The following CTNNA3 variants were observed in gnomAD, a reference collection of about 807,000 sequenced individuals.
The protein encoded by CTNNA3 is catenin alpha 3, also known as catenin alpha-3.
Under a neutral mutation model 95.7 loss-of-function variants are expected in CTNNA3, and 76 were observed. That is an observed-to-expected ratio of 0.79 (90% CI 0.66 to 0.96). The LOEUF is 0.96. CTNNA3 is among the 40% of genes least tolerant of loss of function. The probability of loss-of-function intolerance (pLI) is 0.00; values close to 1 mark genes in which losing one functional copy is unlikely to be tolerated. For missense variants in CTNNA3, 1,191 were observed against 1,089.8 expected, an observed-to-expected ratio of 1.09 and a Z score of -1.31; for synonymous variants, 431 against 374.4, an observed-to-expected ratio of 1.15 and a Z score of -1.74.
chr10:66,447,584 C>G (rs569192946), intron 11 of CTNNA3, among the ~76,000 whole-genome samples: 1 of 152,214 alleles, frequency 6.6e-6, no homozygotes, highest in South Asian at 2.1e-4. Flanking sequence ...AAAGCATTCC[C>G]TATTTAATAA....
At chr10:67,228,568 G>A (rs955780610) in intron 5 of CTNNA3, among the ~76,000 whole-genome samples, 8 of 151,892 alleles carry the variant, frequency 5.3e-5, no homozygotes, top group Non-Finnish European at 1.2e-4. Flanking sequence ...GGCTGAGATC[G>A]TGCCACTGCA....
chr10:66,556,953 A>G (rs1842409981), intron 10 of CTNNA3, among the ~76,000 whole-genome samples: 1 of 152,116 alleles, frequency 6.6e-6, no homozygotes, highest in African/African-American at 2.4e-5. Context: ...TTCATTATGT[A>G]TATCAAAATA....
intron 7 of CTNNA3, among the ~76,000 whole-genome samples, chr10:67,026,227 G>T (rs1056018168): frequency 6.6e-6 from 1 of 151,416 alleles, no homozygotes; most frequent in Non-Finnish European, 1.5e-5. Flanking sequence ...CTTGCACATT[G>T]TGCACATGTA....
chr10:66,449,223 A>G (rs963704482), intron 11 of CTNNA3, among the ~76,000 whole-genome samples: 1 of 152,126 alleles, frequency 6.6e-6, no homozygotes, highest in African/African-American at 2.4e-5. Context: ...GGGGACATTC[A>G]TCTACATTGA....
At chr10:67,416,624 A>G (rs888151105) in intron 5 of CTNNA3, among the ~76,000 whole-genome samples, 1 of 150,596 alleles carries the variant, frequency 6.6e-6, no homozygotes, top group Non-Finnish European at 1.5e-5. Flanking sequence ...AAAAAAAAAA[A>G]AAAAAAACAA....
chr10:66,414,699 C>T (rs1485221822), intron 11 of CTNNA3, among the ~76,000 whole-genome samples: 1 of 152,106 alleles, frequency 6.6e-6, no homozygotes, highest in African/African-American at 2.4e-5. Flanking sequence ...AATGCTGAGG[C>T]TAATGTGCAA....
chr10:67,195,028 G>T (rs1345786916), intron 6 of CTNNA3, among the ~76,000 whole-genome samples: 2 of 151,794 alleles, frequency 1.3e-5, no homozygotes, highest in African/African-American at 4.8e-5. Context: ...TCTTAGGATG[G>T]GAAGAATCAA....
chr10:66,121,933 G>A (rs2082602779), intron 13 of CTNNA3, among the ~76,000 whole-genome samples: 1 of 152,072 alleles, frequency 6.6e-6, no homozygotes, highest in Non-Finnish European at 1.5e-5. Flanking sequence ...AGATGTTCAT[G>A]GTTTCCTTCC....
intron 11 of CTNNA3, among the ~76,000 whole-genome samples, chr10:66,469,202 A>C (rs1839039446): frequency 6.6e-6 from 1 of 151,948 alleles, no homozygotes; most frequent in African/African-American, 2.4e-5. Context: ...GAAAACACTT[A>C]AATAGTAACA....
chr10:66,203,834 A>G (rs1421674104), intron 13 of CTNNA3, among the ~76,000 whole-genome samples: 2 of 152,104 alleles, frequency 1.3e-5, no homozygotes, highest in African/African-American at 4.8e-5. Context: ...TGCTAACTCT[A>G]TCTTCTCTGT....
At chr10:67,626,180 CAA>C (rs59942742) in intron 2 of CTNNA3, among the ~76,000 whole-genome samples, 36,759 of 126,810 alleles carry the variant, frequency 0.29, 5,197 homozygotes, top group East Asian at 0.55. Context: ...AACCCTGTCT[CAA>C]AAAAAAAAAA....
chr10:66,781,573 T>A (rs1840538863), intron 7 of CTNNA3, among the ~76,000 whole-genome samples: 1 of 152,182 alleles, frequency 6.6e-6, no homozygotes, highest in African/African-American at 2.4e-5. Context: ...AAAATACAAC[T>A]AAAACAAGCC....
chr10:67,279,645 T>A (rs1564531436), intron 5 of CTNNA3, among the ~76,000 whole-genome samples: 1 of 150,800 alleles, frequency 6.6e-6, no homozygotes, highest in Non-Finnish European at 1.5e-5. Context: ...TATCTGTAGC[T>A]ATCTGCTTAG....
chr10:67,247,792 T>C (rs972855571), intron 5 of CTNNA3, among the ~76,000 whole-genome samples: 3 of 152,282 alleles, frequency 2.0e-5, no homozygotes, highest in Admixed American at 6.5e-5. Context: ...AAATACCACC[T>C]GAACCCCAAA....
intron 13 of CTNNA3, among the ~76,000 whole-genome samples, chr10:66,258,067 A>C (rs2090858500): frequency 6.6e-6 from 1 of 152,232 alleles, no homozygotes. Flanking sequence ...CCAGGGAATC[A>C]GAGATAGCCT....
At chr10:66,848,567 T>C (rs1466806738) in intron 7 of CTNNA3, among the ~76,000 whole-genome samples, 2 of 152,188 alleles carry the variant, frequency 1.3e-5, no homozygotes, top group Non-Finnish European at 1.5e-5. Flanking sequence ...GTTTTAAAAA[T>C]GCTGCTGTGA....
Position 66,428,108 on chromosome 10 carries a change from C to T in CTNNA3, c.1532-48756G>A, listed in dbSNP as rs189523901. On this transcript the variant is annotated intron_variant, in intron 11 of 17. Transcript: ENST00000433211. Reference sequence around the variant, plus strand: ...AAAAGGCAGGGGTTGCAATCCTAGTCTCTGATAAAACAGACTTTAAACCAA... The same window carrying T: ...AAAAGGCAGGGGTTGCAATCCTAGTTTCTGATAAAACAGACTTTAAACCAA... Among the ~76,000 whole-genome samples the T allele has an allele frequency of 2.0e-5, 3 of 152,058 alleles. No homozygotes were observed. In the East Asian group the frequency reaches 5.8e-4, roughly 29 times the overall value.
chr10:66,241,779 A>G (rs2090121047), intron 13 of CTNNA3, among the ~76,000 whole-genome samples: 1 of 152,132 alleles, frequency 6.6e-6, no homozygotes, highest in Non-Finnish European at 1.5e-5. Context: ...TATTAACCTA[A>G]GCAAAAAACC....
At chr10:67,168,131 A>G (rs1226427393) in intron 7 of CTNNA3, among the ~76,000 whole-genome samples, 1 of 152,136 alleles carries the variant, frequency 6.6e-6, no homozygotes, top group Non-Finnish European at 1.5e-5. Flanking sequence ...GTGAGACTCC[A>G]TCTCAAAATA....
Sources: allele counts gnomAD v4.1 joint callset (sites outside exome capture counted in the v4.1 genomes callset), GRCh38; gene constraint gnomAD v4.1.1; transcripts MANE v1.5; gene names NCBI Gene and HGNC (gene_info 2026-07-23, HGNC 2026-07-21).